The following CEP290 variants were observed in gnomAD, a reference collection of about 807,000 sequenced individuals.
CEP290 encodes centrosomal protein 290.
A neutral mutation model predicts 344.9 loss-of-function variants in CEP290; 317 were observed. That is an observed-to-expected ratio of 0.92 (90% confidence interval 0.84 to 1.01). The LOEUF (loss-of-function observed/expected upper bound fraction) is 1.01. Among genes scored for constraint, CEP290 ranks in the 50% least tolerant of loss-of-function variants. The pLI is 0.00. For missense variants in CEP290, 2,754 were observed against 2,761.4 expected, an observed-to-expected ratio of 1.00 and a Z score of 0.06; for synonymous variants, 932 against 895.8, an observed-to-expected ratio of 1.04 and a Z score of -0.72.
chr12:88,085,938 T>G, intron 34 of CEP290, 101 bp downstream of exon 34: 1 of 1,051,694 alleles, frequency 9.5e-7, no homozygotes, highest in Middle Eastern at 3.0e-4. Context: ...TAGCAATAGA[T>G]TCATCATTCT....
At chr12:88,082,550 C>T (rs2036271694) in intron 37 of CEP290, among the ~76,000 whole-genome samples, 1 of 151,970 alleles carries the variant, frequency 6.6e-6, no homozygotes, top group Admixed American at 6.6e-5. Context: ...AAAAACTACC[C>T]AGGTGTGGTG....
chr12:88,125,336 G>T lies in CEP290; in HGVS notation c.1099C>A (p.Leu367Ile). The T allele has an allele frequency of 7.6e-7, 1 of 1,319,454 alleles. No individual in the cohort carries two copies. Among genetic ancestry groups the T allele is most frequent in the Non-Finnish European group, 9.9e-7 (1 of 1,005,962 alleles). The allele number at this position is 1,319,454 out of a possible 1,614,324, so 81.7% of individuals were successfully genotyped here. A position where few individuals can be genotyped will look rare whatever the true frequency, so the allele number is the denominator to read the frequency against. Residue 367 changes from leucine (L) to isoleucine (I), a missense_variant, in exon 13 of 54, where the codon CTC becomes ATC. Coordinates refer to ENST00000552810, the MANE Select transcript of CEP290 (RefSeq NM_025114.4). ...GTATATTGTTCTACTTGTTCGGTGAGCATCTTAATTTGACTGTCTCGTTCC... is the reference window on the plus strand; with the variant it reads ...GTATATTGTTCTACTTGTTCGGTGATCATCTTAATTTGACTGTCTCGTTCC... ...IQERDSQIKMLTEQVEQYTKE... is the reference protein window; with the variant it reads ...IQERDSQIKMITEQVEQYTKE...
chr12:88,088,162 T>C (rs935452453), intron 31 of CEP290, among the ~76,000 whole-genome samples: 1 of 152,218 alleles, frequency 6.6e-6, no homozygotes, highest in Non-Finnish European at 1.5e-5. Flanking sequence ...CTTCAAATTA[T>C]GTTGGAATGG....
chr12:88,101,389 G>A lies in CEP290; in HGVS notation c.2991+1449C>T, dbSNP rs923397072. 4.0e-5 allele frequency among the ~76,000 whole-genome samples: 6 copies of A among 150,822 alleles called. No homozygotes were observed. In the East Asian group the frequency reaches 5.9e-4, roughly 15 times the overall value. On this transcript the variant is annotated intron_variant, in intron 26 of 53. Transcript: ENST00000552810. ...CCAGCTACTCAGGAGGCTGAGGCAG[G>A]AGAACGGCCTGAACCCGGGAGGTGG...
chr12:88,124,029 A>G (rs1454337673), intron 13 of CEP290, among the ~76,000 whole-genome samples: 3 of 152,028 alleles, frequency 2.0e-5, no homozygotes, highest in Admixed American at 2.0e-4. Flanking sequence ...CATGCCCCAA[A>G]CCACCATCAC....
At chr12:88,124,654 A>G (rs1264103513) in intron 13 of CEP290, among the ~76,000 whole-genome samples, 6 of 152,098 alleles carry the variant, frequency 3.9e-5, no homozygotes, top group Non-Finnish European at 8.8e-5. Flanking sequence ...GTGTATACAT[A>G]TATACATAGT....
At chr12:88,068,672 A>T (rs2035131781) in intron 43 of CEP290, 27 bp from the exon 44 acceptor site, 2 of 1,562,850 alleles carry the variant, frequency 1.3e-6, no homozygotes, top group East Asian at 2.4e-5. Flanking sequence ...CAGACTCTTT[A>T]CTATTCACAT....
Position 88,102,899 on chromosome 12 carries a change from C to G in CEP290, c.2930G>C (p.Arg977Thr). The G allele has an allele frequency of 6.2e-7, 1 of 1,611,198 alleles. No homozygotes were observed. Among genetic ancestry groups the G allele is most frequent in the Non-Finnish European group, 8.5e-7 (1 of 1,178,730 alleles). The change falls in exon 26 of 54, where the codon AGG becomes ACG. Residue 977 changes from arginine (R) to threonine (T), a missense_variant. Arg to Thr is a moderately conservative substitution (Grantham distance 71). Transcript: ENST00000552810. The part of the protein sequence containing the change: ...KQYNELTAKY[R>T]DILQKDNMLV... ...CATATTATCTTTTTGCAAGATGTCC[C>G]TGTACTTAGCAGTCAGTTCATTGTA...
At chr12:88,116,429 T>C (rs1349010255) in intron 18 of CEP290, among the ~76,000 whole-genome samples, 2 of 152,204 alleles carry the variant, frequency 1.3e-5, no homozygotes, top group African/African-American at 2.4e-5. Flanking sequence ...ACATTCTTGA[T>C]AATGATCCTA....
At chr12:88,090,182 A>G (rs1196935109) in intron 30 of CEP290, among the ~76,000 whole-genome samples, 2 of 152,204 alleles carry the variant, frequency 1.3e-5, no homozygotes, top group Non-Finnish European at 2.9e-5. Context: ...ACTAACTACA[A>G]TTCTCAGTGT....
intron 23 of CEP290, 119 bp from the exon 24 acceptor site, chr12:88,107,217 T>C (rs1241772009): frequency 3.7e-6 from 2 of 546,064 alleles, no homozygotes; most frequent in Non-Finnish European, 6.1e-6. Flanking sequence ...ATCATAGCTA[T>C]TCAGTATCTG....
intron 5 of CEP290, among the ~76,000 whole-genome samples, chr12:88,138,281 T>C (rs1178984528): frequency 6.6e-6 from 1 of 152,182 alleles, no homozygotes; most frequent in Non-Finnish European, 1.5e-5. Context: ...ACCAATATCT[T>C]CAACTGTGCT....
chr12:88,107,668 A>C (rs2038385783), intron 23 of CEP290, among the ~76,000 whole-genome samples: 1 of 152,040 alleles, frequency 6.6e-6, no homozygotes, highest in South Asian at 2.1e-4. Flanking sequence ...TGGGAGGCCA[A>C]GGTGGGCAGA....
chr12:88,090,627 C>A, intron 30 of CEP290, 101 bp downstream of exon 30: 2 of 758,620 alleles, frequency 2.6e-6, no homozygotes, highest in Non-Finnish European at 2.2e-6. Flanking sequence ...GAGACCCTAT[C>A]TCGAAACAAA....
intron 26 of CEP290, among the ~76,000 whole-genome samples, chr12:88,102,214 A>G (rs1415321196): frequency 2.6e-5 from 4 of 152,198 alleles, no homozygotes; most frequent in Non-Finnish European, 4.4e-5. Flanking sequence ...GTCCATATTC[A>G]CAGATTGTAA....
At position 88,117,143 on chromosome 12, in the gene CEP290, A is replaced by T; in HGVS notation, c.1714T>A (p.Leu572Ile). 1 of 1,437,278 alleles carries T rather than the reference A, an allele frequency of 7.0e-7. No individual in the cohort carries two copies. Among genetic ancestry groups the T allele is most frequent in the Non-Finnish European group, 9.6e-7 (1 of 1,043,126 alleles). The allele number at this position is 1,437,278 out of a possible 1,614,324, so 89.0% of individuals were successfully genotyped here. ...ERGKRSATSG[L>I]TTEDLNLTEN... The stretch of plus-strand genomic sequence containing the variant: ...GTTAGGTTCAGGTCCTCAGTGGTTA[A>T]TCCTATATATAAGAGAATTAACAAA... Residue 572 changes from leucine (L) to isoleucine (I), a missense_variant and splice_region_variant, in exon 18 of 54, where the codon TTA (leucine) becomes ATA (isoleucine). Coordinates refer to ENST00000552810, the MANE Select transcript of CEP290 (RefSeq NM_025114.4).
chr12:88,088,017 G>C, intron 31 of CEP290, 73 bp from the exon 32 acceptor site: 1 of 583,784 alleles, frequency 1.7e-6, no homozygotes, highest in Non-Finnish European at 2.6e-6. Flanking sequence ...TGATGATAAT[G>C]ATTTTAATTG....
At chr12:88,076,509 C>T (rs74996542) in intron 41 of CEP290, among the ~76,000 whole-genome samples, 5,737 of 152,150 alleles carry the variant, frequency 0.038, 173 homozygotes, top group African/African-American at 0.084. Flanking sequence ...CTAACATCAA[C>T]ATTTCCCAGT....
At chr12:88,080,475 G>T in intron 37 of CEP290, 80 bp from the exon 38 acceptor site, 2 of 1,034,552 alleles carry the variant, frequency 1.9e-6, no homozygotes, top group Non-Finnish European at 2.8e-6. Context: ...TGTCACCCAG[G>T]CTGGAGTGCA....
Sources: allele counts gnomAD v4.1 joint callset (sites outside exome capture counted in the v4.1 genomes callset), GRCh38; gene constraint gnomAD v4.1.1; transcripts MANE v1.5; gene names NCBI Gene and HGNC (gene_info 2026-07-23, HGNC 2026-07-21).